TENM2: variants seen among roughly 807,000 people sequenced by gnomAD.
TENM2 encodes teneurin transmembrane protein 2, also known as teneurin-2.
TENM2 carries 52 observed loss-of-function variants against 245.2 expected under a neutral mutation model. The observed-to-expected ratio is 0.21, with a 90% CI of 0.17 to 0.27. The LOEUF (loss-of-function observed/expected upper bound fraction) is 0.27. Among genes scored for constraint, TENM2 ranks in the 10% least tolerant of loss-of-function variants. The probability of loss-of-function intolerance (pLI) is 1.00; values close to 1 mark genes in which losing one functional copy is unlikely to be tolerated. For missense variants in TENM2, 3,046 were observed against 3,666.8 expected, an observed-to-expected ratio of 0.83 and a Z score of 4.37; for synonymous variants, 1,363 against 1,438.9, an observed-to-expected ratio of 0.95 and a Z score of 1.19.
intron 5 of TENM2, among the ~76,000 whole-genome samples, chr5:167,997,669 T>C (rs941376348): frequency 1.3e-5 from 2 of 152,186 alleles, no homozygotes; most frequent in Non-Finnish European, 2.9e-5. Context: ...GGTTTTTTAG[T>C]TTAATGTAAT....
rs117109625 is a variant in TENM2 at position 167,630,931 on chromosome 5, A to G, written c.503-245055A>G. On this transcript the variant is annotated intron_variant, in intron 2 of 28. Transcript: ENST00000518659. ...TCCACCTAGGAAAGAGCTCCCCAGT[A>G]TCCTCATGTACCCAACCGGGTTTTG... 4.6e-3 allele frequency among the ~76,000 whole-genome samples: 696 copies of G among 152,330 alleles called. 13 individuals carry two copies. In the East Asian group the frequency reaches 0.07, roughly 15 times the overall value.
intron 7 of TENM2, among the ~76,000 whole-genome samples, chr5:168,082,760 GAACAGCAA>G: frequency 6.6e-6 from 1 of 152,188 alleles, no homozygotes; most frequent in East Asian, 1.9e-4. Flanking sequence ...GGAGGCTGCA[GAACAGCAA>G]ATATTGAAGA....
chr5:167,271,713 G>A, the TENM2 span, among the ~76,000 whole-genome samples: 1 of 152,052 alleles, frequency 6.6e-6, no homozygotes, highest in Non-Finnish European at 1.5e-5. Flanking sequence ...CTGTGCAAAT[G>A]GCTCCAGGGA....
chr5:167,400,224 G>T (rs961127495), intron 2 of TENM2, among the ~76,000 whole-genome samples: 2 of 152,094 alleles, frequency 1.3e-5, no homozygotes, highest in Non-Finnish European at 2.9e-5. Flanking sequence ...GCCAAGAGTT[G>T]ATAATGGTCC....
At chr5:167,208,519 A>G in the TENM2 span, among the ~76,000 whole-genome samples, 2 of 152,204 alleles carry the variant, frequency 1.3e-5, no homozygotes, top group African/African-American at 2.4e-5. Flanking sequence ...CACCATGGAC[A>G]TAATTAATAT....
At chr5:167,873,371 T>A (rs1269978841) in intron 2 of TENM2, among the ~76,000 whole-genome samples, 2 of 152,210 alleles carry the variant, frequency 1.3e-5, no homozygotes, top group East Asian at 3.9e-4. Flanking sequence ...CTTCCCTTTT[T>A]TTCTCACCAT....
chr5:167,349,077 TTAG>T (rs1431094032), intron 1 of TENM2, among the ~76,000 whole-genome samples: 1 of 152,178 alleles, frequency 6.6e-6, no homozygotes, highest in Admixed American at 6.5e-5. Flanking sequence ...TGAATTAACT[TTAG>T]TAAATTTCTA....
intron 1 of TENM2, among the ~76,000 whole-genome samples, chr5:167,363,777 A>G (rs1208605033): frequency 6.6e-6 from 1 of 151,492 alleles, no homozygotes; most frequent in Non-Finnish European, 1.5e-5. Flanking sequence ...GAAAAAGGAA[A>G]CAAACCTTCA....
chr5:167,444,517 C>A (rs1474800531), intron 2 of TENM2, among the ~76,000 whole-genome samples: 1 of 152,140 alleles, frequency 6.6e-6, no homozygotes, highest in Non-Finnish European at 1.5e-5. Context: ...ACACCTGAAA[C>A]AAACTCAAGT....
chr5:167,068,467 T>C, the TENM2 span, among the ~76,000 whole-genome samples: 1 of 152,242 alleles, frequency 6.6e-6, no homozygotes, highest in Non-Finnish European at 1.5e-5. Context: ...TGTATTAATA[T>C]ATTTTATTTA....
At chr5:167,024,762 G>C in the TENM2 span, among the ~76,000 whole-genome samples, 1 of 152,176 alleles carries the variant, frequency 6.6e-6, no homozygotes, top group African/African-American at 2.4e-5. Context: ...TGAGAGTTAA[G>C]CAGACTGGAC....
chr5:167,090,234 G>A, the TENM2 span, among the ~76,000 whole-genome samples: 12 of 139,812 alleles, frequency 8.6e-5, no homozygotes, highest in Non-Finnish European at 1.8e-4. Flanking sequence ...AAAACCAACA[G>A]AATTCTTAAA....
intron 5 of TENM2, among the ~76,000 whole-genome samples, chr5:168,035,004 C>G (rs1787534565): frequency 6.6e-6 from 1 of 152,110 alleles, no homozygotes; most frequent in East Asian, 1.9e-4. Flanking sequence ...TTCACTTTAA[C>G]TGTTGAAAAT....
At chr5:167,929,078 AAAG>A (rs1338627014) in intron 3 of TENM2, among the ~76,000 whole-genome samples, 117 of 94,230 alleles carry the variant, frequency 1.2e-3, no homozygotes, top group African/African-American at 5.3e-3. Flanking sequence ...AGAAAGAAAG[AAAG>A]AAAGAAAGAA....
Position 168,063,767 on chromosome 5 carries a change from A to C in TENM2, c.1515+1502A>C, listed in dbSNP as rs1042352137. Among the ~76,000 whole-genome samples the C allele has an allele frequency of 5.3e-5, 8 of 152,298 alleles. No individual in the cohort carries two copies. In the South Asian group the frequency reaches 1.7e-3, roughly 32 times the overall value. ...TATAACTCTTAAGGCAGCCACTATC[A>C]ATCGACCATTGTTGGCTCTCAAGAT... On this transcript the variant is annotated intron_variant, in intron 7 of 28. Transcript: ENST00000518659.
At chr5:168,181,219 T>G (rs558466300) in intron 13 of TENM2, among the ~76,000 whole-genome samples, 1 of 152,270 alleles carries the variant, frequency 6.6e-6, no homozygotes, top group Non-Finnish European at 1.5e-5. Context: ...AAGGTTTTGT[T>G]GATGGCATTT....
At chr5:167,041,903 C>T in the TENM2 span, among the ~76,000 whole-genome samples, 1 of 152,076 alleles carries the variant, frequency 6.6e-6, no homozygotes, top group African/African-American at 2.4e-5. Flanking sequence ...ACTGGATTCC[C>T]CTTATGTGTG....
chr5:167,335,889 A>T (rs2127800331), intron 1 of TENM2, among the ~76,000 whole-genome samples: 1 of 152,270 alleles, frequency 6.6e-6, no homozygotes, highest in Non-Finnish European at 1.5e-5. Flanking sequence ...AGATATGTTG[A>T]GCTAGGTGTG....
intron 5 of TENM2, among the ~76,000 whole-genome samples, chr5:168,031,648 A>G (rs1321797735): frequency 1.6e-4 from 24 of 151,390 alleles, no homozygotes; most frequent in Admixed American, 1.6e-3. Context: ...GAGAGGGAGG[A>G]AAAACTGAAG....
Sources: allele counts gnomAD v4.1 joint callset (sites outside exome capture counted in the v4.1 genomes callset), GRCh38; gene constraint gnomAD v4.1.1; transcripts MANE v1.5; gene names NCBI Gene and HGNC (gene_info 2026-07-23, HGNC 2026-07-21).